AQR: variants seen among roughly 807,000 people sequenced by gnomAD.
AQR encodes the protein aquarius intron-binding spliceosomal factor, also known as RNA helicase aquarius.
AQR carries 61 observed loss-of-function variants against 180.5 expected under a neutral mutation model. The observed-to-expected ratio is 0.34, with a 90% CI of 0.28 to 0.42. The LOEUF (loss-of-function observed/expected upper bound fraction) is 0.42, where lower values mean the gene tolerates loss of function less well. AQR is among the 10% of genes least tolerant of loss of function. The probability of loss-of-function intolerance (pLI) is 1.00; values close to 1 mark genes in which losing one functional copy is unlikely to be tolerated. For missense variants in AQR, 1,281 were observed against 1,798.3 expected (o/e 0.71, Z 5.20); for synonymous variants, 551 against 588.8 (o/e 0.94, Z 0.93).
Position 34,960,787 on chromosome 15 carries a change from T to A in AQR, c.160A>T (p.Ile54Phe). Residue 54 changes from isoleucine (I) to phenylalanine (F), a missense_variant, in exon 3 of 35, where the codon ATT becomes TTT. Ile to Phe is a conservative substitution (Grantham distance 21). This residue lies in a region of AQR where 404 missense variants were observed against 490.9 expected (regional missense o/e 0.82). Transcript: ENST00000156471. ...KVIEDIYEKE[I>F]VKSRFAIRKI... The stretch of plus-strand genomic sequence containing the variant: ...ATTCATTCCTACCTTGATTTGACAA[T>A]CTCTTTTTCATATATATCTTCAATA... 1 of 928,126 alleles carries A rather than the reference T, an allele frequency of 1.1e-6. No individual in the cohort carries two copies. Among genetic ancestry groups the A allele is most frequent in the South Asian group, 1.5e-5 (1 of 66,068 alleles). 57.5% of individuals were successfully genotyped at this position (928,126 alleles called of 1,614,324 possible). A position where few individuals can be genotyped will look rare whatever the true frequency, so the allele number is the denominator to read the frequency against.
chr15:34,926,789 T>C (rs894378859), intron 13 of AQR, among the ~76,000 whole-genome samples: 1 of 152,178 alleles, frequency 6.6e-6, no homozygotes, highest in African/African-American at 2.4e-5. Flanking sequence ...TATATTCTAC[T>C]CTGAGAAAAA....
intron 2 of AQR, among the ~76,000 whole-genome samples, chr15:34,961,304 GT>G (rs1381472098): frequency 6.6e-6 from 1 of 152,012 alleles, no homozygotes; most frequent in African/African-American, 2.4e-5. Flanking sequence ...GGGCAGAATG[GT>G]GTACTACTTA....
chr15:34,874,239 C>A, intron 29 of AQR: 1 of 381,944 alleles, frequency 2.6e-6, no homozygotes, highest in Admixed American at 4.3e-5. Context: ...GAGGTCAATG[C>A]TATCTTTATC....
At chr15:34,905,624 C>A (rs1336168374) in intron 18 of AQR, among the ~76,000 whole-genome samples, 2 of 150,408 alleles carry the variant, frequency 1.3e-5, no homozygotes, top group Admixed American at 6.6e-5. Flanking sequence ...CATTTTCAAA[C>A]GCAGGACAGT....
chr15:34,902,321 C>A (rs1393797388), intron 19 of AQR, among the ~76,000 whole-genome samples: 1 of 152,020 alleles, frequency 6.6e-6, no homozygotes, highest in Non-Finnish European at 1.5e-5. Context: ...AATAAAGTAT[C>A]CAGATTAGGA....
Position 34,942,124 on chromosome 15 carries a change from T to C in AQR, c.472-44A>G. ...AAATAAGTTTATAAACATACCAGCA[T>C]TTCTACCTAAGTCTTTACATAAGAA... is the stretch of plus-strand genomic sequence containing the variant. On this transcript the variant is annotated intron_variant, in intron 6 of 34. Transcript: ENST00000156471. 1.4e-6 allele frequency: 2 copies of C among 1,477,888 alleles called. 1 individual carries two copies. The highest frequency in any genetic ancestry group is 1.9e-6 in the Non-Finnish European group (2 of 1,067,190). 91.5% of individuals were successfully genotyped at this position (1,477,888 alleles called of 1,614,324 possible). A position where few individuals can be genotyped will look rare whatever the true frequency, so the allele number is the denominator to read the frequency against.
At chr15:34,905,741 T>C (rs1360809318) in intron 18 of AQR, among the ~76,000 whole-genome samples, 1 of 101,934 alleles carries the variant, frequency 9.8e-6, no homozygotes, top group Non-Finnish European at 2.2e-5. Context: ...GTAAGAGATA[T>C]TTAGAGTGTT....
intron 20 of AQR, among the ~76,000 whole-genome samples, chr15:34,900,260 A>C (rs190911039): frequency 2.7e-4 from 41 of 152,330 alleles, no homozygotes; most frequent in Admixed American, 2.2e-3. Context: ...TTTTCCTAAA[A>C]ACAAAGTTCA....
intron 20 of AQR, among the ~76,000 whole-genome samples, chr15:34,898,560 C>A (rs894389595): frequency 6.6e-6 from 1 of 152,098 alleles, no homozygotes; most frequent in African/African-American, 2.4e-5. Context: ...TGCTGAGGGC[C>A]TAAAGAGGGA....
chr15:34,889,117 C>G (rs1026998552), intron 24 of AQR, among the ~76,000 whole-genome samples: 3 of 152,116 alleles, frequency 2.0e-5, no homozygotes, highest in African/African-American at 7.2e-5. Context: ...TCACTGAATT[C>G]TGAATTATTA....
rs1207553757 is a variant in AQR, at chr15:34,856,801, C to T, written c.4449G>A (p.Glu1483=). ...AAGGACTACAGTTTGGCTACTTGGT[C>T]TCTTCCGGGGCAGATGTGGCATCCT... ...TPQDATSAPE[E]TK Residue 1483 remains glutamate, a synonymous_variant, in exon 35 of 35, where the codon GAG becomes GAA. Transcript: ENST00000156471. 6 of 1,526,378 alleles carry T rather than the reference C, an allele frequency of 3.9e-6. No individual in the cohort carries two copies. In the South Asian group the frequency reaches 6.6e-5, roughly 17 times the overall value. The allele number at this position is 1,526,378 out of a possible 1,614,324, so 94.6% of individuals were successfully genotyped here.
intron 1 of AQR, among the ~76,000 whole-genome samples, chr15:34,969,216 G>A (rs1330841444): frequency 4.1e-4 from 62 of 152,112 alleles, no homozygotes; most frequent in Admixed American, 4.1e-3. Context: ...CAGATAGACT[G>A]GGGTGTTCCC....
At chr15:34,942,759 C>A (rs920981838) in intron 6 of AQR, among the ~76,000 whole-genome samples, 1 of 152,106 alleles carries the variant, frequency 6.6e-6, no homozygotes, top group Non-Finnish European at 1.5e-5. Context: ...ATGTCATGAC[C>A]AAGGCTTGCA....
At chr15:34,966,589 G>A (rs957247254) in intron 1 of AQR, among the ~76,000 whole-genome samples, 1 of 152,188 alleles carries the variant, frequency 6.6e-6, no homozygotes, top group Non-Finnish European at 1.5e-5. Flanking sequence ...TCCACAGACT[G>A]TGTGTTAGAT....
intron 19 of AQR, among the ~76,000 whole-genome samples, chr15:34,902,878 C>G (rs1893353483): frequency 6.6e-6 from 1 of 152,050 alleles, no homozygotes; most frequent in Admixed American, 6.5e-5. Flanking sequence ...CACTGGCAGA[C>G]AAAACAAAGA....
Position 34,875,917 on chromosome 15 carries a change from AGAT to A in AQR, c.3237+15_3237+17del, listed in dbSNP as rs761203410. On this transcript the variant is annotated intron_variant, in intron 28 of 34. Coordinates refer to ENST00000156471, the MANE Select transcript of AQR (RefSeq NM_014691.3). Reference sequence around the variant, plus strand: ...CTTAGAACTCTATTTTCTTTGCCTCAGATCTTATATTTCTTACCTGTAGAAGAA... The same window carrying A: ...CTTAGAACTCTATTTTCTTTGCCTCACTTATATTTCTTACCTGTAGAAGAA... 6.3e-7 allele frequency: 1 copy of A among 1,585,162 alleles called. No individual in the cohort carries two copies. The highest frequency in any genetic ancestry group is 2.2e-5 in the East Asian group (1 of 44,652).
chr15:34,952,855 CT>C, intron 4 of AQR, 29 bp downstream of exon 4: 2 of 1,427,628 alleles, frequency 1.4e-6, no homozygotes, highest in African/African-American at 1.4e-5. Context: ...CACATTATCT[CT>C]TTCATCAATG....
At chr15:34,909,221 G>C (rs1475800203) in intron 17 of AQR, among the ~76,000 whole-genome samples, 3 of 152,156 alleles carry the variant, frequency 2.0e-5, no homozygotes, top group African/African-American at 7.2e-5. Flanking sequence ...ATGCCAAGAA[G>C]GTAAAAGGAG....
In AQR at chr15:34,897,680, T is replaced by C. The variant is rs770565216; in HGVS notation, c.2269A>G (p.Lys757Glu). 6.2e-7 allele frequency: 1 copy of C among 1,614,056 alleles called. No individual in the cohort carries two copies. The highest frequency in any genetic ancestry group is 1.1e-5 in the South Asian group (1 of 91,058). The stretch of plus-strand genomic sequence containing the variant: ...TCCGCATCTTTCCTTTTCTTCCCTT[T>C]TCCACTTCTTACTGGAAAAGTTATC... ...FRITFPVRSGKGKKRKDADVE... is the reference protein window; with the variant it reads ...FRITFPVRSGEGKKRKDADVE... Residue 757 changes from lysine to glutamate, a missense_variant, in exon 21 of 35, where the codon AAA becomes GAA. Transcript: ENST00000156471.
Sources: allele counts gnomAD v4.1 joint callset (sites outside exome capture counted in the v4.1 genomes callset), GRCh38; gene constraint gnomAD v4.1.1; regional missense constraint gnomAD v4.1.1; transcripts MANE v1.5; gene names NCBI Gene and HGNC (gene_info 2026-07-23, HGNC 2026-07-21).